Variants in VPS41 observed in about 807,000 individuals in gnomAD.
VPS41 encodes the protein vacuolar protein sorting-associated protein 41 homolog.
A neutral mutation model predicts 130.9 loss-of-function variants in VPS41; 85 were observed. The ratio of observed to expected loss-of-function variants is 0.65; its 90% CI spans 0.55 to 0.78. The LOEUF (loss-of-function observed/expected upper bound fraction) is 0.78, where lower values mean the gene tolerates loss of function less well. Among genes scored for constraint, VPS41 ranks in the 30% least tolerant of loss-of-function variants. The pLI is 0.00. For synonymous variants in VPS41, 335 were observed against 332.9 expected, an observed-to-expected ratio of 1.01 and a Z score of -0.07; for missense variants, 874 against 1,018.7, an observed-to-expected ratio of 0.86 and a Z score of 1.93.
At chr7:38,897,194 CAAAA>C (rs60717646) in intron 2 of VPS41, among the ~76,000 whole-genome samples, 1 of 116,144 alleles carries the variant, frequency 8.6e-6, no homozygotes. Context: ...AACTCTGTCT[CAAAA>C]AAAAAAAAAA....
At chr7:38,906,267 C>A (rs906038010) in intron 1 of VPS41, among the ~76,000 whole-genome samples, 5 of 151,614 alleles carry the variant, frequency 3.3e-5, no homozygotes, top group Non-Finnish European at 7.4e-5. Context: ...TACTTACTTT[C>A]TTTTAAAAAA....
At chr7:38,751,003 T>C (rs562430475) in intron 22 of VPS41, among the ~76,000 whole-genome samples, 1 of 152,328 alleles carries the variant, frequency 6.6e-6, no homozygotes, top group East Asian at 1.9e-4. Flanking sequence ...GTAGTATCTG[T>C]TTTTACTTTT....
intron 2 of VPS41, among the ~76,000 whole-genome samples, chr7:38,878,969 A>G (rs958500846): frequency 3.9e-5 from 6 of 152,234 alleles, no homozygotes; most frequent in Non-Finnish European, 5.9e-5. Flanking sequence ...TGGAAAACGT[A>G]ATAAATTGAT....
intron 3 of VPS41, among the ~76,000 whole-genome samples, chr7:38,866,824 GT>G (rs1786240028): frequency 6.6e-6 from 1 of 152,082 alleles, no homozygotes; most frequent in Admixed American, 6.5e-5. Flanking sequence ...AGAAAGGAAT[GT>G]CACAAATGAT....
intron 25 of VPS41, among the ~76,000 whole-genome samples, chr7:38,735,663 T>C (rs1427265333): frequency 6.6e-6 from 1 of 152,232 alleles, no homozygotes; most frequent in Non-Finnish European, 1.5e-5. Flanking sequence ...CCCAGGTCTA[T>C]GAGACCAAAT....
intron 7 of VPS41, among the ~76,000 whole-genome samples, chr7:38,801,216 T>C (rs1382159688): frequency 2.6e-5 from 4 of 152,170 alleles, no homozygotes; most frequent in Non-Finnish European, 4.4e-5. Flanking sequence ...CCCAAAAACC[T>C]TGTGGACCCT....
At chr7:38,820,341 T>A (rs1785147611) in intron 6 of VPS41, among the ~76,000 whole-genome samples, 1 of 152,160 alleles carries the variant, frequency 6.6e-6, no homozygotes, top group African/African-American at 2.4e-5. Flanking sequence ...TTTTAAAACA[T>A]ACATCAGACC....
intron 2 of VPS41, among the ~76,000 whole-genome samples, chr7:38,897,110 C>A (rs1206511113): frequency 6.9e-6 from 1 of 145,516 alleles, no homozygotes; most frequent in African/African-American, 2.6e-5. Context: ...TGGAGAATCA[C>A]TTGAACCCAG....
intron 5 of VPS41, among the ~76,000 whole-genome samples, chr7:38,829,323 G>T (rs188027269): frequency 6.6e-6 from 1 of 152,148 alleles, no homozygotes; most frequent in Admixed American, 6.5e-5. Context: ...AGATTAAATG[G>T]GTATATCTCT....
rs1173771626 is a variant in VPS41, at chr7:38,725,187, A to C, written c.*1059T>G. ...ATGGGACTAAGAGATCAGGAACAAT[A>C]AGGATGTGTTTTGCGCACTTTTACA... On this transcript the variant is annotated 3_prime_UTR_variant, in exon 29 of 29. Coordinates refer to ENST00000310301, the MANE Select transcript of VPS41 (RefSeq NM_014396.4). 1 of 152,192 alleles carries C rather than the reference A, an allele frequency of 6.6e-6. No homozygotes were observed. The allele number at this position is 152,192 out of a possible 1,614,324, so 9.4% of individuals were successfully genotyped here.
At chr7:38,790,745 C>T (rs1200914620) in intron 9 of VPS41, among the ~76,000 whole-genome samples, 1 of 152,164 alleles carries the variant, frequency 6.6e-6, no homozygotes, top group Non-Finnish European at 1.5e-5. Context: ...CCACAGGGGT[C>T]CTGGAACCAA....
intron 1 of VPS41, among the ~76,000 whole-genome samples, chr7:38,901,175 T>C (rs1187032006): frequency 6.6e-6 from 1 of 152,100 alleles, no homozygotes; most frequent in Non-Finnish European, 1.5e-5. Flanking sequence ...AACACAGAAG[T>C]AAAACAGAGG....
At chr7:38,824,077 T>C (rs931235105) in intron 5 of VPS41, among the ~76,000 whole-genome samples, 2 of 152,112 alleles carry the variant, frequency 1.3e-5, no homozygotes, top group Admixed American at 6.6e-5. Flanking sequence ...ATGGAGTGAA[T>C]CAACAAATGG....
At chr7:38,864,404 C>T (rs1349667426) in intron 3 of VPS41, among the ~76,000 whole-genome samples, 1 of 152,052 alleles carries the variant, frequency 6.6e-6, no homozygotes, top group Non-Finnish European at 1.5e-5. Context: ...ACTTTACAGT[C>T]TCATCCTAAA....
At chr7:38,757,460 T>G (rs1327354630) in intron 18 of VPS41, among the ~76,000 whole-genome samples, 1 of 152,212 alleles carries the variant, frequency 6.6e-6, no homozygotes, top group Non-Finnish European at 1.5e-5. Context: ...ATTAAGTCCC[T>G]AAGTCAGCTC....
At chr7:38,851,153 C>T (rs1339159041) in intron 4 of VPS41, among the ~76,000 whole-genome samples, 2 of 152,166 alleles carry the variant, frequency 1.3e-5, no homozygotes, top group African/African-American at 4.8e-5. Flanking sequence ...AAAGCAGTAA[C>T]AAACCTGCTA....
At position 38,724,312 on chromosome 7, in the gene VPS41, T is replaced by C. The variant is rs1006527679; in HGVS notation, c.*1934A>G. 6.6e-6 allele frequency: 1 copy of C among 152,192 alleles called. No individual in the cohort carries two copies. The highest frequency in any genetic ancestry group is 2.1e-4 in the South Asian group (1 of 4,830). 9.4% of individuals were successfully genotyped at this position (152,192 alleles called of 1,614,324 possible). On this transcript the variant is annotated 3_prime_UTR_variant, in exon 29 of 29. Transcript: ENST00000310301. The stretch of plus-strand genomic sequence containing the variant: ...AATCATAAGTGAGGATTAATGTAAA[T>C]GTAATAAACTGAATCTGTAAATTGG...
intron 2 of VPS41, among the ~76,000 whole-genome samples, chr7:38,890,998 C>T (rs1399938665): frequency 6.6e-6 from 1 of 150,686 alleles, no homozygotes; most frequent in Non-Finnish European, 1.5e-5. Context: ...TTCAAAATGA[C>T]TTTTTTTTAA....
intron 17 of VPS41, among the ~76,000 whole-genome samples, chr7:38,762,346 T>C (rs1783939477): frequency 6.6e-6 from 1 of 152,206 alleles, no homozygotes; most frequent in Non-Finnish European, 1.5e-5. Context: ...TAGAAAGTAC[T>C]CATGAAATGA....
Sources: gnomAD v4.1 joint callset for allele counts (sites outside exome capture counted in the v4.1 genomes callset) on GRCh38, gnomAD v4.1.1 for gene constraint, MANE v1.5 for transcripts, NCBI Gene and HGNC (gene_info 2026-07-23, HGNC 2026-07-21) for gene names.